SEMA3E: variants seen among roughly 807,000 people sequenced by gnomAD.
SEMA3E encodes the protein semaphorin 3E.
SEMA3E carries 49 observed loss-of-function variants against 93.6 expected under a neutral mutation model. The observed-to-expected ratio is 0.52, with a 90% CI of 0.42 to 0.66. The LOEUF (loss-of-function observed/expected upper bound fraction) is 0.66. SEMA3E is among the 30% of genes least tolerant of loss of function. The probability of loss-of-function intolerance (pLI) is 0.00; values close to 1 mark genes in which losing one functional copy is unlikely to be tolerated. For synonymous variants in SEMA3E, 363 were observed against 330.7 expected, an observed-to-expected ratio of 1.10 and a Z score of -1.06; for missense variants, 906 against 964.8, an observed-to-expected ratio of 0.94 and a Z score of 0.81.
chr7:83,532,728 T>G (rs544177916), intron 1 of SEMA3E, among the ~76,000 whole-genome samples: 1 of 151,666 alleles, frequency 6.6e-6, no homozygotes, highest in Admixed American at 6.6e-5. Flanking sequence ...TATATGATCT[T>G]GAAGTCTTTT....
intron 4 of SEMA3E, among the ~76,000 whole-genome samples, chr7:83,446,241 G>A (rs554456152): frequency 6.6e-6 from 1 of 152,182 alleles, no homozygotes; most frequent in South Asian, 2.1e-4. Flanking sequence ...GTAGCAACTT[G>A]GACAATGCCA....
chr7:83,416,039 T>C (rs1788532185), intron 5 of SEMA3E, among the ~76,000 whole-genome samples: 1 of 152,058 alleles, frequency 6.6e-6, no homozygotes, highest in African/African-American at 2.4e-5. Context: ...TGCTGCTTTT[T>C]CAATTGGGTG....
intron 1 of SEMA3E, among the ~76,000 whole-genome samples, chr7:83,514,374 C>A (rs958242741): frequency 6.6e-6 from 1 of 152,050 alleles, no homozygotes; most frequent in African/African-American, 2.4e-5. Flanking sequence ...GATCCAAGAG[C>A]AAAGGGGTCC....
At chr7:83,573,081 C>G (rs1421624119) in intron 1 of SEMA3E, among the ~76,000 whole-genome samples, 3 of 151,972 alleles carry the variant, frequency 2.0e-5, no homozygotes, top group African/African-American at 7.2e-5. Flanking sequence ...ATAAATTATC[C>G]ATAGAGTAAA....
intron 1 of SEMA3E, among the ~76,000 whole-genome samples, chr7:83,573,973 T>C (rs1487003709): frequency 6.6e-6 from 1 of 152,058 alleles, no homozygotes. Context: ...GAGAAAGGCA[T>C]TAAAAATGGA....
Position 83,477,687 on chromosome 7 carries a change from A to G in SEMA3E, c.277-8385T>C, listed in dbSNP as rs563672729. Reference sequence around the variant, plus strand: ...GCCTGATGCATGGCCTTTTGTATGGATAAAATTTACTCAATTGGTATAATT... The same window carrying G: ...GCCTGATGCATGGCCTTTTGTATGGGTAAAATTTACTCAATTGGTATAATT... On this transcript the variant is annotated intron_variant, in intron 2 of 16. Coordinates refer to ENST00000643230, the MANE Select transcript of SEMA3E (RefSeq NM_012431.3). 5.3e-5 allele frequency among the ~76,000 whole-genome samples: 8 copies of G among 152,268 alleles called. No homozygotes were observed. The East Asian group carries it at 1.4e-3, about 26-fold the overall frequency.
intron 9 of SEMA3E, among the ~76,000 whole-genome samples, chr7:83,403,671 T>C (rs1163097505): frequency 2.0e-5 from 3 of 151,960 alleles, no homozygotes; most frequent in Non-Finnish European, 2.9e-5. Context: ...AAATTCAAAG[T>C]TCTATATAAA....
intron 4 of SEMA3E, among the ~76,000 whole-genome samples, chr7:83,428,035 A>G (rs552912784): frequency 1.3e-4 from 20 of 152,316 alleles, no homozygotes; most frequent in Admixed American, 1.3e-3. Context: ...GAAAGTAACC[A>G]CTAATGTGGG....
chr7:83,368,661 G>T (rs1274555068), intron 16 of SEMA3E, among the ~76,000 whole-genome samples: 3 of 152,122 alleles, frequency 2.0e-5, no homozygotes, highest in Non-Finnish European at 4.4e-5. Context: ...TCCAGTTCCT[G>T]CTCTAAAGGA....
chr7:83,561,496 T>C (rs1440797956), intron 1 of SEMA3E, among the ~76,000 whole-genome samples: 3 of 152,120 alleles, frequency 2.0e-5, no homozygotes, highest in African/African-American at 7.2e-5. Context: ...ATCATATTCT[T>C]TCCTCTGGCA....
intron 2 of SEMA3E, among the ~76,000 whole-genome samples, chr7:83,477,372 C>T (rs1344256612): frequency 2.6e-5 from 4 of 151,936 alleles, no homozygotes; most frequent in African/African-American, 7.2e-5. Flanking sequence ...CATCAATGTA[C>T]ATCTTAATTA....
At chr7:83,436,170 T>C (rs1370721936) in intron 4 of SEMA3E, among the ~76,000 whole-genome samples, 1 of 151,802 alleles carries the variant, frequency 6.6e-6, no homozygotes, top group Non-Finnish European at 1.5e-5. Flanking sequence ...AGTAGTTCTC[T>C]AACATATGTG....
chr7:83,613,899 T>C (rs1039219584), intron 1 of SEMA3E, among the ~76,000 whole-genome samples: 13 of 152,094 alleles, frequency 8.5e-5, no homozygotes, highest in African/African-American at 2.9e-4. Flanking sequence ...TAATGACTTC[T>C]AAAGATGTAG....
At chr7:83,488,145 G>A (rs536180480) in intron 2 of SEMA3E, among the ~76,000 whole-genome samples, 12 of 152,140 alleles carry the variant, frequency 7.9e-5, no homozygotes, top group African/African-American at 1.7e-4. Context: ...GAAATCAGAA[G>A]TGTTTCAAAG....
intron 4 of SEMA3E, among the ~76,000 whole-genome samples, chr7:83,445,199 A>T (rs1789201497): frequency 6.6e-6 from 1 of 152,242 alleles, no homozygotes; most frequent in South Asian, 2.1e-4. Flanking sequence ...GGAAGCAAAG[A>T]TAGCAAATAC....
chr7:83,465,696 G>A (rs1789741019), intron 4 of SEMA3E, among the ~76,000 whole-genome samples: 1 of 152,074 alleles, frequency 6.6e-6, no homozygotes, highest in South Asian at 2.1e-4. Flanking sequence ...TCTTAATGTA[G>A]GACTCTGCCT....
intron 1 of SEMA3E, among the ~76,000 whole-genome samples, chr7:83,597,926 G>A (rs1584354886): frequency 1.3e-5 from 2 of 152,096 alleles, no homozygotes; most frequent in East Asian, 3.9e-4. Flanking sequence ...ATGTATATAA[G>A]AGACAAGGAG....
intron 1 of SEMA3E, among the ~76,000 whole-genome samples, chr7:83,528,439 A>G (rs1375937285): frequency 6.6e-6 from 1 of 152,144 alleles, no homozygotes; most frequent in African/African-American, 2.4e-5. Context: ...GAGAGATCAG[A>G]CCATGAAAAT....
intron 4 of SEMA3E, among the ~76,000 whole-genome samples, chr7:83,452,454 C>T (rs985935753): frequency 4.6e-5 from 7 of 152,162 alleles, no homozygotes; most frequent in Non-Finnish European, 1.0e-4. Flanking sequence ...TGCAGGGCTG[C>T]TCAGCAACAT....
Sources: allele counts gnomAD v4.1 joint callset (sites outside exome capture counted in the v4.1 genomes callset), GRCh38; gene constraint gnomAD v4.1.1; transcripts MANE v1.5; gene names NCBI Gene and HGNC (gene_info 2026-07-23, HGNC 2026-07-21).